RALYL: variants seen among roughly 807,000 people sequenced by gnomAD.
The protein encoded by RALYL is RALY RNA binding protein like, also known as RNA-binding Raly-like protein.
A neutral mutation model predicts 35.1 loss-of-function variants in RALYL; 29 were observed. That is an observed-to-expected ratio of 0.83 (90% CI 0.61 to 1.13). The LOEUF is 1.13. Ranked by LOEUF, RALYL falls within the 50% of genes most tolerant of loss-of-function variation. The probability of loss-of-function intolerance (pLI) is 0.00; values close to 1 mark genes in which losing one functional copy is unlikely to be tolerated. For missense variants in RALYL, 359 were observed against 360.4 expected (o/e 1.00, Z 0.03); for synonymous variants, 120 against 127.6 (o/e 0.94, Z 0.40).
intron 1 of RALYL, among the ~76,000 whole-genome samples, chr8:84,312,925 C>T (rs1238473468): frequency 2.0e-5 from 3 of 152,226 alleles, no homozygotes; most frequent in African/African-American, 4.8e-5. Flanking sequence ...CCCCACATTC[C>T]CCTCTTTATT....
chr8:84,296,452 C>T (rs1369967775), intron 1 of RALYL, among the ~76,000 whole-genome samples: 1 of 151,928 alleles, frequency 6.6e-6, no homozygotes, highest in Admixed American at 6.6e-5. Context: ...TGACATCTTA[C>T]CCTGTTCACC....
chr8:84,905,136 A>C (rs1423586587), intron 8 of RALYL, among the ~76,000 whole-genome samples: 1 of 152,170 alleles, frequency 6.6e-6, no homozygotes, highest in Non-Finnish European at 1.5e-5. Flanking sequence ...TCACTCTTTG[A>C]TTCTACAAAT....
intron 2 of RALYL, among the ~76,000 whole-genome samples, chr8:84,734,222 C>T (rs1230990971): frequency 1.3e-5 from 2 of 152,044 alleles, no homozygotes; most frequent in Non-Finnish European, 2.9e-5. Flanking sequence ...GCATATCACC[C>T]CTTAATTTAA....
chr8:84,511,894 A>G (rs980474654), intron 1 of RALYL, among the ~76,000 whole-genome samples: 6 of 152,194 alleles, frequency 3.9e-5, no homozygotes, highest in Non-Finnish European at 7.3e-5. Context: ...ATGGCTAGAT[A>G]GTATTCCATT....
intron 2 of RALYL, among the ~76,000 whole-genome samples, chr8:84,594,907 G>A (rs1814122254): frequency 6.7e-6 from 1 of 148,988 alleles, no homozygotes; most frequent in African/African-American, 2.5e-5. Context: ...TGAACCTTGA[G>A]CTTTTAGAGC....
chr8:84,284,659 A>G (rs1837259484), intron 1 of RALYL, among the ~76,000 whole-genome samples: 1 of 152,164 alleles, frequency 6.6e-6, no homozygotes. Context: ...ACCTTATCAC[A>G]GTCAGGCTGG....
chr8:84,901,828 A>G (rs1484504920), intron 8 of RALYL, among the ~76,000 whole-genome samples: 1 of 152,174 alleles, frequency 6.6e-6, no homozygotes, highest in Non-Finnish European at 1.5e-5. Flanking sequence ...TCATTGACCA[A>G]TGGAGACAAA....
At chr8:84,567,994 T>G (rs534076300) in intron 2 of RALYL, among the ~76,000 whole-genome samples, 2 of 151,904 alleles carry the variant, frequency 1.3e-5, no homozygotes, top group South Asian at 4.1e-4. Context: ...TGTTGGCTGC[T>G]TGTGTGTTTT....
chr8:84,593,498 G>A (rs977516633), intron 2 of RALYL, among the ~76,000 whole-genome samples: 4 of 152,050 alleles, frequency 2.6e-5, no homozygotes, highest in Non-Finnish European at 5.9e-5. Context: ...GTAGGACACA[G>A]GCTTTTTGCA....
chr8:84,911,162 C>G (rs1847450762), intron 8 of RALYL, among the ~76,000 whole-genome samples: 2 of 152,060 alleles, frequency 1.3e-5, no homozygotes, highest in Non-Finnish European at 2.9e-5. Context: ...CAACTAGCAA[C>G]TATCCATTGC....
At chr8:84,706,352 A>G (rs555432610) in intron 2 of RALYL, among the ~76,000 whole-genome samples, 2 of 152,314 alleles carry the variant, frequency 1.3e-5, no homozygotes, top group Non-Finnish European at 2.9e-5. Context: ...TTCAGGCATG[A>G]TCACTGGACA....
At chr8:84,716,097 G>A (rs376347278) in intron 2 of RALYL, among the ~76,000 whole-genome samples, 9 of 152,038 alleles carry the variant, frequency 5.9e-5, no homozygotes, top group South Asian at 2.1e-4. Flanking sequence ...AACTGCCTTA[G>A]AGGAACAGCT....
At chr8:84,773,187 G>A (rs1268100033) in intron 2 of RALYL, among the ~76,000 whole-genome samples, 1 of 152,174 alleles carries the variant, frequency 6.6e-6, no homozygotes, top group Non-Finnish European at 1.5e-5. Context: ...GCCAGGTGCA[G>A]TGTTCTTTTT....
chr8:84,828,081 C>T (rs1386410099), intron 4 of RALYL, among the ~76,000 whole-genome samples: 1 of 152,012 alleles, frequency 6.6e-6, no homozygotes. Context: ...TTGAACTGCA[C>T]TAGATTTGTA....
At chr8:84,487,973 T>C (rs1165411264) in intron 1 of RALYL, among the ~76,000 whole-genome samples, 1 of 152,072 alleles carries the variant, frequency 6.6e-6, no homozygotes, top group Admixed American at 6.6e-5. Flanking sequence ...GATGTTTATA[T>C]CCATGGTGTG....
chr8:84,748,309 G>A (rs1809144878), intron 2 of RALYL, among the ~76,000 whole-genome samples: 1 of 151,990 alleles, frequency 6.6e-6, no homozygotes, highest in South Asian at 2.1e-4. Flanking sequence ...AAAATGTGCA[G>A]CTTTCAGTTG....
intron 1 of RALYL, among the ~76,000 whole-genome samples, chr8:84,274,756 G>A (rs143441963): frequency 2.0e-5 from 3 of 152,180 alleles, no homozygotes; most frequent in South Asian, 2.1e-4. Context: ...CCTATATTAC[G>A]AAGAGAAGAT....
chr8:84,271,272 A>G (rs1834258152), intron 1 of RALYL, among the ~76,000 whole-genome samples: 1 of 152,152 alleles, frequency 6.6e-6, no homozygotes, highest in Non-Finnish European at 1.5e-5. Context: ...TACAAATGGC[A>G]AACAAGCACA....
In RALYL at chr8:84,371,539, TCACA is replaced by T. The variant is rs5892914; in HGVS notation, c.-23-157729_-23-157726del. Among the ~76,000 whole-genome samples, 490 of 144,050 alleles carry T rather than the reference TCACA, an allele frequency of 3.4e-3. 3 individuals are homozygous for T. The highest frequency in any genetic ancestry group is 0.011 in the Middle Eastern group (3 of 282). The allele number at this position is 144,050 out of a possible 152,430, so 94.5% of individuals were successfully genotyped here. A position where few individuals can be genotyped will look rare whatever the true frequency, so the allele number is the denominator to read the frequency against. Reference sequence around the variant, plus strand: ...AAAATAGGGAATAAATTTATGATTATCACACACACACACACACACACACACACAC... The same window carrying T: ...AAAATAGGGAATAAATTTATGATTATCACACACACACACACACACACACAC... On this transcript the variant is annotated intron_variant, in intron 1 of 8. Coordinates refer to ENST00000521268, the MANE Select transcript of RALYL (RefSeq NM_173848.7).
Sources: gnomAD v4.1 joint callset for allele counts (sites outside exome capture counted in the v4.1 genomes callset) on GRCh38, gnomAD v4.1.1 for gene constraint, MANE v1.5 for transcripts, NCBI Gene and HGNC (gene_info 2026-07-23, HGNC 2026-07-21) for gene names.